RPA3: variants seen among roughly 807,000 people sequenced by gnomAD.
The protein encoded by RPA3 is replication protein A 14 kDa subunit.
RPA3 carries 24 observed loss-of-function variants against 13.7 expected under a neutral mutation model. The observed-to-expected ratio is 1.75, with a 90% CI of 1.27 to 2.46. The LOEUF is 2.46. Ranked by LOEUF, RPA3 falls within the 30% of genes most tolerant of loss-of-function variation. The pLI, the probability that RPA3 is intolerant of heterozygous loss-of-function variation, is 0.00. For missense variants in RPA3, 183 were observed against 151.0 expected, an observed-to-expected ratio of 1.21 and a Z score of -1.11; for synonymous variants, 59 against 51.2, an observed-to-expected ratio of 1.15 and a Z score of -0.65.
chr7:7,711,725 T>A (rs1156479724), intron 2 of RPA3, among the ~76,000 whole-genome samples: 1 of 152,180 alleles, frequency 6.6e-6, no homozygotes, highest in African/African-American at 2.4e-5. Flanking sequence ...TAAGGGGATC[T>A]AGTTACAAAT....
chr7:7,693,295 T>TTATCTATCTATCTATC (rs1250261083), intron 2 of RPA3, among the ~76,000 whole-genome samples: 7,532 of 148,936 alleles, frequency 0.051, 205 homozygotes, highest in Middle Eastern at 0.066. Flanking sequence ...TAAAATATCT[T>TTATCTATCTATCTATC]TATCTATCTA....
chr7:7,712,447 GA>G (rs1260848224), intron 2 of RPA3, among the ~76,000 whole-genome samples: 1 of 151,948 alleles, frequency 6.6e-6, no homozygotes, highest in Admixed American at 6.6e-5. Context: ...TTTATTCTTA[GA>G]GTGCTTTTTT....
chr7:7,661,616 C>T (rs1366789461), intron 4 of RPA3, among the ~76,000 whole-genome samples: 1 of 152,256 alleles, frequency 6.6e-6, no homozygotes, highest in East Asian at 1.9e-4. Flanking sequence ...ACCCTGTTTG[C>T]CTAGGGATCA....
chr7:7,703,384 T>A (rs1414774268), intron 2 of RPA3, among the ~76,000 whole-genome samples: 2 of 152,226 alleles, frequency 1.3e-5, no homozygotes, highest in African/African-American at 4.8e-5. Context: ...TATTTACCTA[T>A]AGAATTTTTA....
chr7:7,656,314 A>AT lies in RPA3; in HGVS notation c.-757-15140dup, dbSNP rs869099532. Among the ~76,000 whole-genome samples the AT allele has an allele frequency of 3.6e-3, 544 of 150,986 alleles. 2 individuals carry two copies. The highest frequency in any genetic ancestry group is 5.8e-3 in the Non-Finnish European group (395 of 67,722). On this transcript the variant is annotated intron_variant, in intron 4 of 7. Transcript: ENST00000223129. ...AGAACTTGTTCATGTATTTAAAAAA[A>AT]TTTTTTTTTTGTTTTATTATACTTA... is the stretch of plus-strand genomic sequence containing the variant.
At chr7:7,675,394 TCTC>T (rs1444625822) in intron 4 of RPA3, among the ~76,000 whole-genome samples, 1 of 152,166 alleles carries the variant, frequency 6.6e-6, no homozygotes, top group Non-Finnish European at 1.5e-5. Context: ...GCTGCTAAGA[TCTC>T]CTCCAATTTC....
At chr7:7,661,388 A>G (rs1379305079) in intron 4 of RPA3, among the ~76,000 whole-genome samples, 1 of 152,056 alleles carries the variant, frequency 6.6e-6, no homozygotes, top group Non-Finnish European at 1.5e-5. Context: ...GAGAAGGGGC[A>G]TTCTGGTTTT....
chr7:7,651,168 A>G (rs1785215281), intron 4 of RPA3, among the ~76,000 whole-genome samples: 1 of 152,250 alleles, frequency 6.6e-6, no homozygotes, highest in Non-Finnish European at 1.5e-5. Flanking sequence ...ATTTTTAAAA[A>G]TATATGGCTA....
rs745439066 is a variant in RPA3 at position 7,640,352 on chromosome 7, T to C, written c.67A>G (p.Lys23Glu). Residue 23 changes from lysine (K) to glutamate (E), a missense_variant, in exon 5 of 8, where the codon AAG becomes GAG. Lys to Glu is a moderately conservative substitution (Grantham distance 56). Transcript: ENST00000223129. The stretch of plus-strand genomic sequence containing the variant: ...AGCCTCCCTACGAAGCAGACAGGCT[T>C]GTCGATGAATTGAGCTAGCATGCCG... The part of the protein sequence containing the change: ...NAGMLAQFID[K>E]PVCFVGRLEK... The C allele has an allele frequency of 3.1e-6, 5 of 1,614,048 alleles. No homozygotes were observed. In the Admixed American group the frequency reaches 8.3e-5, roughly 27 times the overall value.
chr7:7,713,003 G>T (rs1041569218), intron 2 of RPA3, among the ~76,000 whole-genome samples: 2 of 152,014 alleles, frequency 1.3e-5, no homozygotes, highest in Admixed American at 1.3e-4. Context: ...AGCCTATTGT[G>T]TCAATTTGGT....
intron 2 of RPA3, among the ~76,000 whole-genome samples, chr7:7,703,031 T>C (rs1780501633): frequency 6.6e-6 from 1 of 152,228 alleles, no homozygotes; most frequent in South Asian, 2.1e-4. Context: ...GGAGAATGCC[T>C]TCAGCTAGTC....
Position 7,673,773 on chromosome 7 carries a change from G to C in RPA3, c.-758+12057C>G, listed in dbSNP as rs532531514. ...AGAATCCTTGATGAATTCAAGTTCT[G>C]TCTTATAAATAGTACTAACCTTGTT... On this transcript the variant is annotated intron_variant, in intron 4 of 7. Transcript: ENST00000223129. Among the ~76,000 whole-genome samples the C allele has an allele frequency of 2.7e-3, 401 of 150,842 alleles. 3 individuals are homozygous for C. The highest frequency in any genetic ancestry group is 9.4e-3 in the African/African-American group (384 of 40,992).
intron 2 of RPA3, among the ~76,000 whole-genome samples, chr7:7,691,460 A>C (rs1270299011): frequency 6.6e-6 from 1 of 152,230 alleles, no homozygotes; most frequent in Non-Finnish European, 1.5e-5. Context: ...TTAAAATATC[A>C]GTATTTACTA....
chr7:7,654,028 G>A (rs1039300403), intron 4 of RPA3, among the ~76,000 whole-genome samples: 9 of 152,054 alleles, frequency 5.9e-5, no homozygotes, highest in Non-Finnish European at 1.0e-4. Flanking sequence ...TTATTATTCC[G>A]TTCTGTTTTT....
Position 7,678,664 on chromosome 7 carries a change from T to G in RPA3, c.-758+7166A>C, listed in dbSNP as rs1298383895. On this transcript the variant is annotated intron_variant, in intron 4 of 7. Transcript: ENST00000223129. ...TAAATATATATTTATATATTTAGTTTATAAATATATATTTATATATTTAGT... is the reference window on the plus strand; with the variant it reads ...TAAATATATATTTATATATTTAGTTGATAAATATATATTTATATATTTAGT... 7.1e-5 allele frequency among the ~76,000 whole-genome samples: 9 copies of G among 127,202 alleles called. No individual in the cohort carries two copies. In the South Asian group the frequency reaches 1.9e-3, roughly 26 times the overall value. The allele number at this position is 127,202 out of a possible 152,430, so 83.4% of individuals were successfully genotyped here.
At chr7:7,705,903 T>C (rs1002224613) in intron 2 of RPA3, among the ~76,000 whole-genome samples, 1 of 152,138 alleles carries the variant, frequency 6.6e-6, no homozygotes, top group Non-Finnish European at 1.5e-5. Context: ...AGGAGTTATA[T>C]GGGAATTCTC....
chr7:7,717,778 G>A (rs1780954124), intron 1 of RPA3, among the ~76,000 whole-genome samples: 2 of 152,204 alleles, frequency 1.3e-5, no homozygotes. Flanking sequence ...CTGGATGAGA[G>A]CATGAGTTTG....
At chr7:7,679,736 A>G (rs970603322) in intron 4 of RPA3, among the ~76,000 whole-genome samples, 11 of 146,486 alleles carry the variant, frequency 7.5e-5, no homozygotes, top group African/African-American at 2.2e-4. Context: ...ATATATACAC[A>G]CACACATATT....
chr7:7,704,673 G>T (rs1290413500), intron 2 of RPA3, among the ~76,000 whole-genome samples: 4 of 146,808 alleles, frequency 2.7e-5, no homozygotes, highest in Non-Finnish European at 4.5e-5. Context: ...AAAGCTGAGG[G>T]TGAGAATCAC....
Sources: gnomAD v4.1 joint callset for allele counts (sites outside exome capture counted in the v4.1 genomes callset) on GRCh38, gnomAD v4.1.1 for gene constraint, MANE v1.5 for transcripts, NCBI Gene and HGNC (gene_info 2026-07-23, HGNC 2026-07-21) for gene names.